Variants in NEMF observed in about 807,000 individuals in gnomAD.
The protein encoded by NEMF is ribosome quality control complex subunit NEMF.
A neutral mutation model predicts 162.2 loss-of-function variants in NEMF; 89 were observed. That is an observed-to-expected ratio of 0.55 (90% confidence interval 0.46 to 0.65). The LOEUF (loss-of-function observed/expected upper bound fraction) is 0.65, where lower values mean the gene tolerates loss of function less well. Ranked by LOEUF, NEMF falls within the 30% of genes least tolerant of loss-of-function variation. NEMF has a pLI of 0.00. For synonymous variants in NEMF, 421 were observed against 404.5 expected (o/e 1.04, Z -0.49); for missense variants, 1,133 against 1,261.9 (o/e 0.90, Z 1.55).
At chr14:49,797,146 T>C (rs554750801) in intron 25 of NEMF, among the ~76,000 whole-genome samples, 7 of 152,326 alleles carry the variant, frequency 4.6e-5, no homozygotes, top group African/African-American at 1.4e-4. Flanking sequence ...CACAGGGCTA[T>C]GTGCTCAGAA....
intron 16 of NEMF, among the ~76,000 whole-genome samples, chr14:49,819,462 T>G (rs1409404301): frequency 6.6e-6 from 1 of 151,986 alleles, no homozygotes; most frequent in Non-Finnish European, 1.5e-5. Flanking sequence ...TTGCCCAGGC[T>G]GGAGTGCAGT....
At position 49,800,490 on chromosome 14, in the gene NEMF, T is replaced by C; in HGVS notation, c.2302A>G (p.Lys768Glu). Residue 768 changes from lysine to glutamate, a missense_variant, in exon 23 of 33, where the codon AAG becomes GAG. Physicochemically the swap from Lys to Glu is moderately conservative, Grantham distance 56. Around this residue, in one of 3 missense-constraint regions of NEMF, gnomAD observed 532 missense variants for 578.6 expected, o/e 0.92. Coordinates refer to ENST00000298310, the MANE Select transcript of NEMF (RefSeq NM_004713.6). ...TTTAATGTCTCTTCCCCTTCATCCTTCATTTCACCAACAGAATCCTGATCT... is the reference window on the plus strand; with the variant it reads ...TTTAATGTCTCTTCCCCTTCATCCTCCATTTCACCAACAGAATCCTGATCT... ...RKDQDSVGEM[K>E]DEGEETLNYP... is the part of the protein sequence containing the mutation. The C allele has an allele frequency of 6.2e-7, 1 of 1,613,936 alleles. No homozygotes were observed. Among genetic ancestry groups the C allele is most frequent in the South Asian group, 1.1e-5 (1 of 91,074 alleles).
At chr14:49,796,464 C>A in intron 25 of NEMF, 1 of 304,902 alleles carries the variant, frequency 3.3e-6, no homozygotes, top group Non-Finnish European at 6.5e-6. Context: ...CCAGAGTCTA[C>A]ATACTCTGAA....
At chr14:49,825,444 A>C (rs974819901) in intron 16 of NEMF, among the ~76,000 whole-genome samples, 4 of 152,232 alleles carry the variant, frequency 2.6e-5, no homozygotes, top group Non-Finnish European at 5.9e-5. Context: ...AGTAAAGGTG[A>C]GGAACTGGAG....
intron 25 of NEMF, 113 bp downstream of exon 25, chr14:49,799,362 G>T: frequency 1.2e-6 from 1 of 838,682 alleles, no homozygotes; most frequent in Non-Finnish European, 1.7e-6. Flanking sequence ...CTAAATCTTG[G>T]TAAATTTAAT....
chr14:49,820,290 T>G (rs1488367036), intron 16 of NEMF: 1 of 388,770 alleles, frequency 2.6e-6, no homozygotes, highest in Non-Finnish European at 5.2e-6. Context: ...TGTGTGTTTG[T>G]TGAAATGACA....
At chr14:49,819,344 T>C (rs1213810670) in intron 16 of NEMF, among the ~76,000 whole-genome samples, 1 of 152,036 alleles carries the variant, frequency 6.6e-6, no homozygotes, top group Non-Finnish European at 1.5e-5. Flanking sequence ...TGTGCTTGAC[T>C]GTTTCATTTC....
At position 49,838,714 on chromosome 14, in the gene NEMF, A is replaced by G. The variant is rs57488799; in HGVS notation, c.507-508T>C. ...ATTCTCCTGCCTCAGCCTCCCGAGT[A>G]GCTAGGACTACAGGCGCCCGCCACC... is the stretch of plus-strand genomic sequence containing the variant. On this transcript the variant is annotated intron_variant, in intron 5 of 32. Transcript: ENST00000298310. Among the ~76,000 whole-genome samples, 1,305 of 151,388 alleles carry G rather than the reference A, an allele frequency of 8.6e-3. 20 individuals carry two copies. The highest frequency in any genetic ancestry group is 0.03 in the African/African-American group (1,228 of 41,244).
chr14:49,830,398 A>AT (rs113285668), intron 11 of NEMF, among the ~76,000 whole-genome samples: 646 of 151,640 alleles, frequency 4.3e-3, no homozygotes, highest in African/African-American at 0.013. Flanking sequence ...AAACAATTTG[A>AT]TTTTTTTTTC....
Position 49,846,126 on chromosome 14 carries a change from C to G in NEMF, c.357+14G>C, listed in dbSNP as rs1017683642. ...AGAAATTTTCCTTCACCATATCCCA[C>G]AAATTTAACTTACCCTATCATAGAG... On this transcript the variant is annotated intron_variant, in intron 4 of 32. Transcript: ENST00000298310. 6.2e-7 allele frequency: 1 copy of G among 1,608,272 alleles called. No homozygotes were observed. The highest frequency in any genetic ancestry group is 8.5e-7 in the Non-Finnish European group (1 of 1,177,752).
intron 25 of NEMF, chr14:49,797,243 T>C (rs1388111772): frequency 6.6e-6 from 1 of 152,072 alleles, no homozygotes; most frequent in African/African-American, 2.4e-5. Flanking sequence ...TGGAGTGCTT[T>C]AGTTTGCTTA....
chr14:49,806,766 T>C (rs1891236578), intron 18 of NEMF, among the ~76,000 whole-genome samples: 1 of 152,170 alleles, frequency 6.6e-6, no homozygotes, highest in South Asian at 2.1e-4. Flanking sequence ...GAGAAATCCA[T>C]TTAAAGTTTG....
At chr14:49,848,833 CAAAAAA>C (rs36090515) in intron 3 of NEMF, among the ~76,000 whole-genome samples, 1 of 40,778 alleles carries the variant, frequency 2.5e-5, no homozygotes, top group Non-Finnish European at 4.7e-5. Flanking sequence ...GACTCCGTCT[CAAAAAA>C]AAAAAAAAAA....
chr14:49,840,822 A>G lies in NEMF; in HGVS notation c.402T>C (p.Ile134=), dbSNP rs1257642694. Residue 134 remains isoleucine, a synonymous_variant, in exon 5 of 33, where the codon ATT becomes ATC. Transcript: ENST00000298310. The part of the protein sequence containing the change: ...LTDYEYVILN[I]LRFRTDEADD... ...CTGCCTCATCAGTTCGAAACCTTAG[A>G]ATATTTAAAATTACGTACTCATAAT... 2 of 1,613,458 alleles carry G rather than the reference A, an allele frequency of 1.2e-6. No individual in the cohort carries two copies. Among genetic ancestry groups the G allele is most frequent in the South Asian group, 2.2e-5 (2 of 91,010 alleles).
rs1164591071 is a variant in NEMF, at chr14:49,828,362, A to T, written c.1425-8T>A. The T allele has an allele frequency of 6.6e-7, 1 of 1,524,312 alleles. No individual in the cohort carries two copies. 94.4% of individuals were successfully genotyped at this position (1,524,312 alleles called of 1,614,324 possible). A position where few individuals can be genotyped will look rare whatever the true frequency, so the allele number is the denominator to read the frequency against. On this transcript the variant is annotated splice_region_variant and splice_polypyrimidine_tract_variant and intron_variant, in intron 14 of 32. Transcript: ENST00000298310. ...CTCTTGTGATCATAATACCTAGAAA[A>T]ACATATTTCTCTTAAATTTTAAGTA...
intron 18 of NEMF, among the ~76,000 whole-genome samples, chr14:49,810,373 C>A (rs1327547031): frequency 6.6e-6 from 1 of 151,800 alleles, no homozygotes; most frequent in Non-Finnish European, 1.5e-5. Context: ...TCTCAAAAAA[C>A]CAAAAACAAA....
chr14:49,822,286 TA>T (rs913232772), intron 16 of NEMF, among the ~76,000 whole-genome samples: 3 of 70,638 alleles, frequency 4.2e-5, no homozygotes, highest in Non-Finnish European at 6.0e-5. Flanking sequence ...GAATGATCAA[TA>T]AAAAAAAATA....
Position 49,828,590 on chromosome 14 carries a change from C to T in NEMF, c.1424+26G>A, listed in dbSNP as rs768021330. 5 of 1,504,668 alleles carry T rather than the reference C, an allele frequency of 3.3e-6. No homozygotes were observed. The East Asian group carries it at 9.4e-5, about 28-fold the overall frequency. The allele number at this position is 1,504,668 out of a possible 1,614,324, so 93.2% of individuals were successfully genotyped here. A position where few individuals can be genotyped will look rare whatever the true frequency, so the allele number is the denominator to read the frequency against. Reference sequence around the variant, plus strand: ...TAATTTATTGCAGATAACACTTGGCCTAAAATGTAAAGTTAAATGACTTAC... The same window carrying T: ...TAATTTATTGCAGATAACACTTGGCTTAAAATGTAAAGTTAAATGACTTAC... On this transcript the variant is annotated intron_variant, in intron 14 of 32. Transcript: ENST00000298310.
intron 22 of NEMF, among the ~76,000 whole-genome samples, chr14:49,801,723 T>C (rs1278865102): frequency 1.3e-5 from 2 of 152,164 alleles, no homozygotes; most frequent in East Asian, 1.9e-4. Context: ...GCAACTATAA[T>C]TGCTCTCTAC....
Sources: gnomAD v4.1 joint callset for allele counts (sites outside exome capture counted in the v4.1 genomes callset) on GRCh38, gnomAD v4.1.1 for gene constraint, gnomAD v4.1.1 regional missense constraint, MANE v1.5 for transcripts, NCBI Gene and HGNC (gene_info 2026-07-23, HGNC 2026-07-21) for gene names.